PTPRR: variants seen among roughly 807,000 people sequenced by gnomAD.
The protein encoded by PTPRR is protein tyrosine phosphatase receptor type R.
Under a neutral mutation model 77.2 loss-of-function variants are expected in PTPRR, and 38 were observed. The ratio of observed to expected loss-of-function variants is 0.49; its 90% CI spans 0.38 to 0.65. The LOEUF (loss-of-function observed/expected upper bound fraction) is 0.65, where lower values mean the gene tolerates loss of function less well. PTPRR is among the 30% of genes least tolerant of loss of function. The probability of loss-of-function intolerance (pLI) is 0.00; values close to 1 mark genes in which losing one functional copy is unlikely to be tolerated. For missense variants in PTPRR, 744 were observed against 799.2 expected, an observed-to-expected ratio of 0.93 and a Z score of 0.83; for synonymous variants, 299 against 283.1, an observed-to-expected ratio of 1.06 and a Z score of -0.57.
chr12:70,902,547 C>T (rs915530064), intron 1 of PTPRR, among the ~76,000 whole-genome samples: 14 of 151,730 alleles, frequency 9.2e-5, no homozygotes, highest in South Asian at 6.2e-4. Context: ...TGGAATACTA[C>T]TCAGCCATAA....
At chr12:70,871,965 G>A (rs1204628357) in intron 2 of PTPRR, among the ~76,000 whole-genome samples, 1 of 152,112 alleles carries the variant, frequency 6.6e-6, no homozygotes, top group African/African-American at 2.4e-5. Flanking sequence ...TAACAACACT[G>A]GCCTTCAGAG....
At chr12:70,899,637 T>C (rs1017189561) in intron 1 of PTPRR, among the ~76,000 whole-genome samples, 11 of 151,508 alleles carry the variant, frequency 7.3e-5, no homozygotes, top group Non-Finnish European at 1.6e-4. Context: ...AAAAACTGAA[T>C]CTTCCCCTTC....
At chr12:70,681,232 A>T (rs562293099) in intron 10 of PTPRR, among the ~76,000 whole-genome samples, 54 of 152,272 alleles carry the variant, frequency 3.5e-4, no homozygotes, top group African/African-American at 1.3e-3. Flanking sequence ...GATGGTGGCT[A>T]CTGGCCCCTG....
rs78250665 is a variant in PTPRR, at chr12:70,828,100, A to G, written c.358-63322T>C. 8.4e-3 allele frequency among the ~76,000 whole-genome samples: 1,273 copies of G among 152,274 alleles called. 3 individuals are homozygous for G. Among genetic ancestry groups the G allele is most frequent in the Non-Finnish European group, 0.012 (790 of 68,022 alleles). ...CTTGATCACCTACCAAAGTCCCTAC[A>G]TTGGGGATTAGGTTTCAACATATGA... On this transcript the variant is annotated intron_variant, in intron 2 of 13. Coordinates refer to ENST00000283228, the MANE Select transcript of PTPRR (RefSeq NM_002849.4).
At chr12:70,769,588 G>T (rs2136979494) in intron 2 of PTPRR, among the ~76,000 whole-genome samples, 1 of 152,222 alleles carries the variant, frequency 6.6e-6, no homozygotes, top group South Asian at 2.1e-4. Context: ...AACTGCCCAA[G>T]GTAATTTATA....
intron 2 of PTPRR, among the ~76,000 whole-genome samples, chr12:70,791,738 T>C (rs1001541550): frequency 3.3e-5 from 5 of 152,186 alleles, no homozygotes; most frequent in Admixed American, 3.3e-4. Flanking sequence ...TACATAAATA[T>C]GTTAAAGTCT....
chr12:70,715,700 TC>T (rs1889001190), intron 6 of PTPRR, among the ~76,000 whole-genome samples: 1 of 152,200 alleles, frequency 6.6e-6, no homozygotes, highest in African/African-American at 2.4e-5. Context: ...GAAATATGGC[TC>T]TGCTCCGCCC....
intron 13 of PTPRR, among the ~76,000 whole-genome samples, chr12:70,644,526 T>G (rs1886125895): frequency 6.6e-6 from 1 of 152,194 alleles, no homozygotes; most frequent in Non-Finnish European, 1.5e-5. Context: ...AGTGCTCAGT[T>G]TTTTCATCTG....
At chr12:70,907,300 T>C (rs964198095) in intron 1 of PTPRR, among the ~76,000 whole-genome samples, 13 of 152,208 alleles carry the variant, frequency 8.5e-5, no homozygotes, top group Non-Finnish European at 1.6e-4. Context: ...GAGTAAGGGA[T>C]GATTTTAATC....
chr12:70,650,500 C>A (rs78516377), intron 13 of PTPRR, among the ~76,000 whole-genome samples: 12 of 151,862 alleles, frequency 7.9e-5, no homozygotes, highest in Non-Finnish European at 1.8e-4. Context: ...AGTCAAGAAC[C>A]TACTTTGTGC....
chr12:70,684,856 C>A lies in PTPRR; in HGVS notation c.1280-73G>T. The A allele has an allele frequency of 4.8e-6, 5 of 1,043,278 alleles. No individual in the cohort carries two copies. In the South Asian group the frequency reaches 7.4e-5, roughly 15 times the overall value. The allele number at this position is 1,043,278 out of a possible 1,614,324, so 64.6% of individuals were successfully genotyped here. On this transcript the variant is annotated intron_variant, in intron 8 of 13. Transcript: ENST00000283228. ...TAAAGTTCCTTAGAATGCCAATAAC[C>A]AGTAAGTAGAAACCTGTTATGTATT... is the stretch of plus-strand genomic sequence containing the variant.
intron 4 of PTPRR, among the ~76,000 whole-genome samples, chr12:70,757,246 T>A (rs913709259): frequency 3.3e-5 from 5 of 152,222 alleles, no homozygotes; most frequent in Non-Finnish European, 2.9e-5. Context: ...AGTTAGCACA[T>A]TGGACTTTTA....
intron 2 of PTPRR, among the ~76,000 whole-genome samples, chr12:70,789,397 G>A (rs1891385889): frequency 6.6e-6 from 1 of 151,822 alleles, no homozygotes; most frequent in Non-Finnish European, 1.5e-5. Context: ...TCTTATTTTA[G>A]CAGTCAGCAT....
In PTPRR at chr12:70,662,485, A is replaced by G. The variant is rs748941576; in HGVS notation, c.1608+10T>C. ...CTACTTTGTAGATGGCTATAGCTAC[A>G]TAATCTTACCTTTAAGACAAGGTTT... On this transcript the variant is annotated intron_variant, in intron 11 of 13. Coordinates refer to ENST00000283228, the MANE Select transcript of PTPRR (RefSeq NM_002849.4). The G allele has an allele frequency of 2.0e-6, 3 of 1,535,584 alleles. No homozygotes were observed. The highest frequency in any genetic ancestry group is 2.7e-6 in the Non-Finnish European group (3 of 1,112,866).
At chr12:70,784,327 C>G (rs1185534241) in intron 2 of PTPRR, among the ~76,000 whole-genome samples, 2 of 152,234 alleles carry the variant, frequency 1.3e-5, no homozygotes, top group Non-Finnish European at 2.9e-5. Context: ...TCCGCAGGCT[C>G]CATGGAGCAA....
At chr12:70,911,890 G>A (rs1056152150) in intron 1 of PTPRR, among the ~76,000 whole-genome samples, 13 of 151,952 alleles carry the variant, frequency 8.6e-5, no homozygotes, top group Admixed American at 3.3e-4. Flanking sequence ...GTCTAATCAC[G>A]TAATGCCTAA....
intron 6 of PTPRR, among the ~76,000 whole-genome samples, chr12:70,707,429 T>G (rs1373898148): frequency 2.8e-5 from 4 of 143,610 alleles, no homozygotes; most frequent in African/African-American, 9.9e-5. Context: ...TTAAAAAAAC[T>G]ATATCATGAA....
At chr12:70,906,831 A>C (rs1361799555) in intron 1 of PTPRR, 1 of 152,168 alleles carries the variant, frequency 6.6e-6, no homozygotes, top group Non-Finnish European at 1.5e-5. Flanking sequence ...ATCAGTTTCT[A>C]CGAGATGACA....
Position 70,701,290 on chromosome 12 carries a change from C to A in PTPRR, c.1041G>T (p.Met347Ile), listed in dbSNP as rs752194389. 2.5e-6 allele frequency: 4 copies of A among 1,613,908 alleles called. No homozygotes were observed. In the South Asian group the frequency reaches 4.4e-5, roughly 18 times the overall value. Residue 347 changes from methionine (M) to isoleucine (I), a missense_variant, in exon 7 of 14, where the codon ATG becomes ATT. Met to Ile is a conservative substitution (Grantham distance 10). Coordinates refer to ENST00000283228, the MANE Select transcript of PTPRR (RefSeq NM_002849.4). ...RGSNVSLTLD[M>I]SSLGNIEPFV... is the part of the protein sequence containing the mutation. Reference sequence around the variant, plus strand: ...AGGGTTCAATGTTCCCCAAGCTACTCATGTCCAATGTAAGAGATACGTTGG... The same window carrying A: ...AGGGTTCAATGTTCCCCAAGCTACTAATGTCCAATGTAAGAGATACGTTGG...
Sources: allele counts gnomAD v4.1 joint callset (sites outside exome capture counted in the v4.1 genomes callset), GRCh38; gene constraint gnomAD v4.1.1; transcripts MANE v1.5; gene names NCBI Gene and HGNC (gene_info 2026-07-23, HGNC 2026-07-21).